LRRC52: variants seen among roughly 807,000 people sequenced by gnomAD.
LRRC52 encodes the protein leucine rich repeat containing 52.
Under a neutral mutation model 14.7 loss-of-function variants are expected in LRRC52, and 15 were observed. The ratio of observed to expected loss-of-function variants is 1.02; its 90% CI spans 0.68 to 1.58. LRRC52 has a LOEUF of 1.58. Ranked by LOEUF, LRRC52 falls within the 40% of genes most tolerant of loss-of-function variation. LRRC52 has a pLI of 0.00. For synonymous variants in LRRC52, 180 were observed against 163.9 expected (o/e 1.10, Z -0.75); for missense variants, 400 against 387.7 (o/e 1.03, Z -0.27).
chr1:165,556,394 G>A, intron 1 of LRRC52, among the ~76,000 whole-genome samples: 1 of 151,766 alleles, frequency 6.6e-6, no homozygotes, highest in Middle Eastern at 3.2e-3. Flanking sequence ...ACAAGGGGGG[G>A]AAATTGTGAA....
At chr1:165,554,738 C>T (rs1234468133) in intron 1 of LRRC52, among the ~76,000 whole-genome samples, 3 of 152,170 alleles carry the variant, frequency 2.0e-5, no homozygotes, top group East Asian at 3.8e-4. Flanking sequence ...CCAATGATAG[C>T]TTTTTTGATC....
intron 1 of LRRC52, among the ~76,000 whole-genome samples, chr1:165,547,621 C>T (rs1661048929): frequency 6.6e-6 from 1 of 152,174 alleles, no homozygotes; most frequent in Admixed American, 6.5e-5. Flanking sequence ...CAAATACCTA[C>T]ACACACATAT....
intron 1 of LRRC52, 95 bp from the exon 2 acceptor site, chr1:165,563,410 T>A (rs1661388811): frequency 1.9e-6 from 2 of 1,075,450 alleles, no homozygotes; most frequent in African/African-American, 1.6e-5. Flanking sequence ...CTTGGAGCAC[T>A]GAGGGTGCAG....
At chr1:165,551,680 C>G (rs1661135309) in intron 1 of LRRC52, among the ~76,000 whole-genome samples, 1 of 152,124 alleles carries the variant, frequency 6.6e-6, no homozygotes, top group Non-Finnish European at 1.5e-5. Context: ...GACAAAGCCA[C>G]TCAGGGCCAT....
chr1:165,552,195 A>G (rs534168529), intron 1 of LRRC52, among the ~76,000 whole-genome samples: 1 of 152,162 alleles, frequency 6.6e-6, no homozygotes, highest in Admixed American at 6.5e-5. Flanking sequence ...TCCCTGACTC[A>G]GGCCAATTGG....
intron 1 of LRRC52, among the ~76,000 whole-genome samples, chr1:165,546,564 A>T (rs1661024312): frequency 6.6e-6 from 1 of 152,048 alleles, no homozygotes; most frequent in Admixed American, 6.5e-5. Flanking sequence ...ATGTTCCTGT[A>T]AATTAGCCTG....
rs1356773553 is a variant in LRRC52 at position 165,544,560 on chromosome 1, G to A, written c.264G>A (p.Arg88=). The A allele has an allele frequency of 6.2e-7, 1 of 1,613,952 alleles. No homozygotes were observed. The highest frequency in any genetic ancestry group is 8.5e-7 in the Non-Finnish European group (1 of 1,180,002). Residue 88 remains arginine, a synonymous_variant, in exon 1 of 2, where the codon CGG becomes CGA. Coordinates refer to ENST00000294818, the MANE Select transcript of LRRC52 (RefSeq NM_001005214.4). ...DLVYLDCQNN[R]IREVMDYTFI... ...TTTATTTGGACTGTCAGAACAACCG[G>A]ATTCGAGAGGTGATGGATTATACCT...
At chr1:165,549,059 G>A (rs368219081) in intron 1 of LRRC52, among the ~76,000 whole-genome samples, 2 of 152,300 alleles carry the variant, frequency 1.3e-5, no homozygotes, top group East Asian at 1.9e-4. Flanking sequence ...ATGGGGCAAG[G>A]AGAATCCTGG....
chr1:165,549,306 T>TGGATGTGTAGACTACATTCTAG (rs1661084396), intron 1 of LRRC52, among the ~76,000 whole-genome samples: 1 of 152,234 alleles, frequency 6.6e-6, no homozygotes, highest in South Asian at 2.1e-4. Context: ...GAGGCAGGTG[T>TGGATGTGTAGACTACATTCTAG]GGATGTGTAG....
chr1:165,554,300 C>A (rs1379823615), intron 1 of LRRC52, among the ~76,000 whole-genome samples: 1 of 151,942 alleles, frequency 6.6e-6, no homozygotes, highest in Non-Finnish European at 1.5e-5. Flanking sequence ...CAGAAACAAA[C>A]AGGGTGAGCA....
chr1:165,559,672 T>C (rs78320707), intron 1 of LRRC52, among the ~76,000 whole-genome samples: 13,747 of 152,136 alleles, frequency 0.09, 785 homozygotes, highest in South Asian at 0.22. Context: ...TTAAGCAAAA[T>C]GACATATAGC....
intron 1 of LRRC52, among the ~76,000 whole-genome samples, chr1:165,562,859 A>T (rs1413933910): frequency 3.3e-5 from 5 of 151,608 alleles, no homozygotes; most frequent in African/African-American, 9.7e-5. Flanking sequence ...CCCTATTGGC[A>T]ACCTGTTTAC....
chr1:165,560,935 T>A (rs1571113459), intron 1 of LRRC52, among the ~76,000 whole-genome samples: 1 of 152,184 alleles, frequency 6.6e-6, no homozygotes, highest in Non-Finnish European at 1.5e-5. Context: ...GAGGACTGTT[T>A]TGAGCCAGAG....
At chr1:165,556,345 G>C in intron 1 of LRRC52, among the ~76,000 whole-genome samples, 1 of 151,956 alleles carries the variant, frequency 6.6e-6, no homozygotes. Flanking sequence ...ATGAGTCTAT[G>C]AATCACTTTT....
chr1:165,549,763 G>A (rs144514165), intron 1 of LRRC52, among the ~76,000 whole-genome samples: 3 of 152,318 alleles, frequency 2.0e-5, no homozygotes, highest in African/African-American at 7.2e-5. Flanking sequence ...CCCATAGAGG[G>A]GTTGTAGAGG....
chr1:165,552,438 G>A (rs1433128772), intron 1 of LRRC52, among the ~76,000 whole-genome samples: 2 of 152,156 alleles, frequency 1.3e-5, no homozygotes, highest in Non-Finnish European at 2.9e-5. Flanking sequence ...GCCCAGCTAG[G>A]AAGGGCCTTG....
chr1:165,562,050 G>A (rs1054954072), intron 1 of LRRC52, among the ~76,000 whole-genome samples: 5 of 152,202 alleles, frequency 3.3e-5, no homozygotes, highest in Non-Finnish European at 7.3e-5. Context: ...CTGAAGTTTA[G>A]AGGAAACTCC....
chr1:165,544,229 C>CCCCCCCCCCAA lies in LRRC52; in HGVS notation c.-68_-67insCCCCCCCCCAA. 2 of 1,476,570 alleles carry CCCCCCCCCCAA rather than the reference C, an allele frequency of 1.4e-6. No individual in the cohort carries two copies. The highest frequency in any genetic ancestry group is 1.4e-5 in the African/African-American group (1 of 70,230). The allele number at this position is 1,476,570 out of a possible 1,614,324, so 91.5% of individuals were successfully genotyped here. A position where few individuals can be genotyped will look rare whatever the true frequency, so the allele number is the denominator to read the frequency against. On this transcript the variant is annotated 5_prime_UTR_variant, in exon 1 of 2. Transcript: ENST00000294818. ...CCCCTCCCCCGCCCCACCCCCCCACCGGCAGCCTTCGGATCAGAGGACAGA... is the reference window on the plus strand; with the variant it reads ...CCCCTCCCCCGCCCCACCCCCCCACCCCCCCCCCCAAGGCAGCCTTCGGATCAGAGGACAGA...
chr1:165,563,849 G>C lies in LRRC52; in HGVS notation c.*25G>C. ...GTTGCCAGAGACCACTATCTTATGTGCCTCCCCCAGGCTCCCTGCTTTCTC... is the reference window on the plus strand; with the variant it reads ...GTTGCCAGAGACCACTATCTTATGTCCCTCCCCCAGGCTCCCTGCTTTCTC... On this transcript the variant is annotated 3_prime_UTR_variant, in exon 2 of 2. Transcript: ENST00000294818. 6.2e-7 allele frequency: 1 copy of C among 1,600,824 alleles called. No homozygotes were observed. The highest frequency in any genetic ancestry group is 8.5e-7 in the Non-Finnish European group (1 of 1,171,754).
Sources: gnomAD v4.1 joint callset for allele counts (sites outside exome capture counted in the v4.1 genomes callset) on GRCh38, gnomAD v4.1.1 for gene constraint, MANE v1.5 for transcripts, NCBI Gene and HGNC (gene_info 2026-07-23, HGNC 2026-07-21) for gene names.